Variants in CDH13 observed in about 807,000 individuals in gnomAD.
CDH13 encodes the protein cadherin-13.
CDH13 carries 24 observed loss-of-function variants against 63.8 expected under a neutral mutation model. That is an observed-to-expected ratio of 0.38 (90% CI 0.27 to 0.53). CDH13 has a LOEUF of 0.53. CDH13 is among the 20% of genes least tolerant of loss of function. The probability of loss-of-function intolerance (pLI) is 0.85; values close to 1 mark genes in which losing one functional copy is unlikely to be tolerated. For synonymous variants in CDH13, 503 were observed against 355.3 expected, an observed-to-expected ratio of 1.42 and a Z score of -4.67; for missense variants, 1,049 against 903.1, an observed-to-expected ratio of 1.16 and a Z score of -2.07.
chr16:83,795,003 T>A lies in CDH13; in HGVS notation c.2135-20T>A. 1 of 1,592,522 alleles carries A rather than the reference T, an allele frequency of 6.3e-7. No homozygotes were observed. The highest frequency in any genetic ancestry group is 1.3e-5 in the African/African-American group (1 of 74,684). The stretch of plus-strand genomic sequence containing the variant: ...TGAGTGGTGATATTCCCGACTTAAC[T>A]CTGAACCCTCTCTATTCAGGTCTGT... On this transcript the variant is annotated intron_variant, in intron 13 of 13. Coordinates refer to ENST00000567109, the MANE Select transcript of CDH13 (RefSeq NM_001257.5).
At chr16:83,169,324 C>A (rs148764992) in intron 4 of CDH13, among the ~76,000 whole-genome samples, 20,671 of 151,862 alleles carry the variant, frequency 0.14, 1,870 homozygotes, top group Middle Eastern at 0.22. Context: ...CTACAGGCGC[C>A]TGCCACCACA....
At chr16:83,178,745 G>C (rs2038228111) in intron 4 of CDH13, among the ~76,000 whole-genome samples, 1 of 152,072 alleles carries the variant, frequency 6.6e-6, no homozygotes, top group African/African-American at 2.4e-5. Context: ...CTTATTTCTA[G>C]AGAATCCATA....
chr16:83,703,541 C>T (rs1906560625), intron 10 of CDH13, among the ~76,000 whole-genome samples: 2 of 152,136 alleles, frequency 1.3e-5, no homozygotes, highest in South Asian at 4.2e-4. Flanking sequence ...GGTACGATTC[C>T]AATTATACAA....
At chr16:82,988,718 C>A (rs571521306) in intron 2 of CDH13, among the ~76,000 whole-genome samples, 1 of 150,004 alleles carries the variant, frequency 6.7e-6, no homozygotes, top group African/African-American at 2.5e-5. Context: ...GCCAAGATCG[C>A]ACCACTGCAC....
intron 1 of CDH13, among the ~76,000 whole-genome samples, chr16:82,737,841 T>C: frequency 6.6e-6 from 1 of 152,240 alleles, no homozygotes; most frequent in East Asian, 1.9e-4. Context: ...CGGTTTAATG[T>C]ATACAGTGTG....
intron 1 of CDH13, among the ~76,000 whole-genome samples, chr16:82,830,861 A>C (rs2156): frequency 0.27 from 41,475 of 152,158 alleles, 6,427 homozygotes; most frequent in Middle Eastern, 0.36. Context: ...TGGTACTTCT[A>C]TGTGACAAGA....
chr16:82,735,332 T>G (rs1280944389), intron 1 of CDH13, among the ~76,000 whole-genome samples: 1 of 152,210 alleles, frequency 6.6e-6, no homozygotes, highest in Non-Finnish European at 1.5e-5. Context: ...GAATAGAAGC[T>G]GTCACACCAG....
At chr16:82,956,248 C>T (rs549610004) in intron 2 of CDH13, among the ~76,000 whole-genome samples, 21 of 152,212 alleles carry the variant, frequency 1.4e-4, no homozygotes, top group Middle Eastern at 3.4e-3. Flanking sequence ...ATCATTTAAC[C>T]TTCTACTTCT....
chr16:83,090,668 C>A (rs2033862099), intron 3 of CDH13, among the ~76,000 whole-genome samples: 1 of 151,936 alleles, frequency 6.6e-6, no homozygotes, highest in Admixed American at 6.6e-5. Context: ...TCTCGGTAAT[C>A]CCTCTGACTG....
intron 6 of CDH13, among the ~76,000 whole-genome samples, chr16:83,427,739 C>G (rs943214850): frequency 1.3e-5 from 2 of 152,170 alleles, no homozygotes; most frequent in African/African-American, 4.8e-5. Context: ...CACTTATGGT[C>G]TGCTGTCCTG....
intron 11 of CDH13, among the ~76,000 whole-genome samples, chr16:83,750,372 C>T (rs983390229): frequency 1.3e-5 from 2 of 152,216 alleles, no homozygotes; most frequent in African/African-American, 4.8e-5. Context: ...TGACTTATGA[C>T]ACCTAACTGG....
At position 82,872,558 on chromosome 16, in the gene CDH13, CAGA is replaced by C. The variant is rs1324403473; in HGVS notation, c.157+14088_157+14090del. 3.9e-5 allele frequency among the ~76,000 whole-genome samples: 6 copies of C among 152,250 alleles called. No individual in the cohort carries two copies. The East Asian group carries it at 1.2e-3, about 29-fold the overall frequency. ...CATAGCTTTAAATAGGCTGAGAAAG[CAGA>C]AGTTCTTATTATTCTGTTACAGATC... On this transcript the variant is annotated intron_variant, in intron 2 of 13. Transcript: ENST00000567109.
intron 5 of CDH13, among the ~76,000 whole-genome samples, chr16:83,328,141 AAAAG>A (rs1412459498): frequency 6.9e-6 from 1 of 145,888 alleles, no homozygotes; most frequent in Non-Finnish European, 1.5e-5. Flanking sequence ...AAAAAAAAGA[AAAAG>A]AAAAAAAATT....
chr16:83,382,678 T>A (rs1327378233), intron 6 of CDH13, among the ~76,000 whole-genome samples: 1 of 152,162 alleles, frequency 6.6e-6, no homozygotes, highest in Non-Finnish European at 1.5e-5. Context: ...CTAGCCCTCC[T>A]ACCTTTCCCT....
At chr16:83,540,319 TGCTGCCCC>T (rs2075275998) in intron 7 of CDH13, among the ~76,000 whole-genome samples, 1 of 152,192 alleles carries the variant, frequency 6.6e-6, no homozygotes, top group African/African-American at 2.4e-5. Flanking sequence ...AAACTGCGTC[TGCTGCCCC>T]GAAGGAGTGC....
chr16:83,752,489 A>G (rs1913166856), intron 11 of CDH13, among the ~76,000 whole-genome samples: 1 of 152,208 alleles, frequency 6.6e-6, no homozygotes, highest in Non-Finnish European at 1.5e-5. Flanking sequence ...CATTTTTAAC[A>G]GTCTTTAAAA....
At chr16:83,495,524 T>C (rs1394752202) in intron 7 of CDH13, among the ~76,000 whole-genome samples, 1 of 152,168 alleles carries the variant, frequency 6.6e-6, no homozygotes. Flanking sequence ...AATTCTCTCT[T>C]GGATCAAGAA....
chr16:83,183,059 T>C (rs1011289835), intron 4 of CDH13, among the ~76,000 whole-genome samples: 1 of 152,220 alleles, frequency 6.6e-6, no homozygotes, highest in Non-Finnish European at 1.5e-5. Flanking sequence ...GTTTGGATTT[T>C]TCAGATAAGG....
chr16:83,309,198 C>G (rs746548137), intron 5 of CDH13, among the ~76,000 whole-genome samples: 1 of 152,178 alleles, frequency 6.6e-6, no homozygotes, highest in Non-Finnish European at 1.5e-5. Context: ...ATACCGAGTG[C>G]TTGCCTACCA....
Sources: gnomAD v4.1 joint callset for allele counts (sites outside exome capture counted in the v4.1 genomes callset) on GRCh38, gnomAD v4.1.1 for gene constraint, MANE v1.5 for transcripts, NCBI Gene and HGNC (gene_info 2026-07-23, HGNC 2026-07-21) for gene names.